CNTNAP5: variants seen among roughly 807,000 people sequenced by gnomAD.
The protein encoded by CNTNAP5 is contactin-associated protein-like 5.
In CNTNAP5, 72 loss-of-function variants were observed where a neutral mutation model predicts 150.2. The observed-to-expected ratio is 0.48, with a 90% CI of 0.40 to 0.58. The LOEUF (loss-of-function observed/expected upper bound fraction) is 0.58. CNTNAP5 is among the 20% of genes least tolerant of loss of function. The pLI, the probability that CNTNAP5 is intolerant of heterozygous loss-of-function variation, is 0.00. For synonymous variants in CNTNAP5, 672 were observed against 619.8 expected (o/e 1.08, Z -1.25); for missense variants, 1,636 against 1,626.2 (o/e 1.01, Z -0.10).
At chr2:124,254,542 T>C in intron 3 of CNTNAP5, among the ~76,000 whole-genome samples, 1 of 152,172 alleles carries the variant, frequency 6.6e-6, no homozygotes, top group East Asian at 1.9e-4. Flanking sequence ...ACAGAAAATG[T>C]AAGTGGATCT....
intron 6 of CNTNAP5, among the ~76,000 whole-genome samples, chr2:124,461,559 G>A (rs984825361): frequency 1.3e-5 from 2 of 150,814 alleles, no homozygotes; most frequent in Non-Finnish European, 3.0e-5. Context: ...GATAGCATTA[G>A]GAGATATACC....
chr2:124,030,718 A>G (rs1213970), intron 1 of CNTNAP5, among the ~76,000 whole-genome samples: 2 of 152,172 alleles, frequency 1.3e-5, no homozygotes, highest in African/African-American at 2.4e-5. Context: ...GACCAAAGAT[A>G]AGAGCCTCAT....
chr2:124,452,688 G>C (rs1367945356), intron 6 of CNTNAP5, among the ~76,000 whole-genome samples: 1 of 152,138 alleles, frequency 6.6e-6, no homozygotes, highest in Non-Finnish European at 1.5e-5. Context: ...ATCCGTGGCT[G>C]AGAGACCCAC....
intron 10 of CNTNAP5, among the ~76,000 whole-genome samples, chr2:124,534,771 C>A (rs1695190783): frequency 6.6e-6 from 1 of 152,128 alleles, no homozygotes; most frequent in Non-Finnish European, 1.5e-5. Flanking sequence ...TCACTTTCAT[C>A]TTGACTTGGT....
At chr2:124,608,490 GT>G (rs934513897) in intron 11 of CNTNAP5, among the ~76,000 whole-genome samples, 1 of 152,134 alleles carries the variant, frequency 6.6e-6, no homozygotes, top group African/African-American at 2.4e-5. Flanking sequence ...GCTTTCTGGG[GT>G]AGAGATTTAT....
At chr2:124,052,109 A>G (rs757084006) in intron 1 of CNTNAP5, among the ~76,000 whole-genome samples, 1 of 152,152 alleles carries the variant, frequency 6.6e-6, no homozygotes, top group Non-Finnish European at 1.5e-5. Flanking sequence ...GCTTATCCTC[A>G]CATTCTGTAC....
Position 124,707,006 on chromosome 2 carries a change from AAGG to A in CNTNAP5, c.2078-40211_2078-40209del, listed in dbSNP as rs878975665. 5.3e-4 allele frequency among the ~76,000 whole-genome samples: 51 copies of A among 96,008 alleles called. 1 individual carries two copies. Among genetic ancestry groups the A allele is most frequent in the Middle Eastern group, 5.1e-3 (1 of 196 alleles). The allele number at this position is 96,008 out of a possible 152,430, so 63.0% of individuals were successfully genotyped here. A position where few individuals can be genotyped will look rare whatever the true frequency, so the allele number is the denominator to read the frequency against. Reference sequence around the variant, plus strand: ...GAAGGAGAAGGAGAAGAGGAAGAAGAAGGAGGAGGAGGAGAAGAAGAAGAAGAA... The same window carrying A: ...GAAGGAGAAGGAGAAGAGGAAGAAGAAGGAGGAGGAGAAGAAGAAGAAGAA... On this transcript the variant is annotated intron_variant, in intron 13 of 23. Transcript: ENST00000682447.
intron 1 of CNTNAP5, among the ~76,000 whole-genome samples, chr2:124,191,600 G>A (rs985954092): frequency 2.6e-5 from 4 of 152,130 alleles, no homozygotes; most frequent in African/African-American, 9.7e-5. Context: ...TATTAGGAGA[G>A]TACAGTGGAA....
chr2:124,650,085 T>C (rs1337315967), intron 13 of CNTNAP5, among the ~76,000 whole-genome samples: 1 of 152,210 alleles, frequency 6.6e-6, no homozygotes, highest in Non-Finnish European at 1.5e-5. Context: ...GTGTATATTC[T>C]CAAAGGCACA....
intron 3 of CNTNAP5, among the ~76,000 whole-genome samples, chr2:124,319,446 C>G (rs1232893970): frequency 6.6e-6 from 1 of 152,192 alleles, no homozygotes; most frequent in Non-Finnish European, 1.5e-5. Flanking sequence ...CTCAAACTGG[C>G]ACAGTTGAAA....
chr2:124,630,079 G>A (rs947241089), intron 12 of CNTNAP5, among the ~76,000 whole-genome samples: 3 of 150,636 alleles, frequency 2.0e-5, no homozygotes, highest in South Asian at 4.2e-4. Flanking sequence ...GCAATAAATA[G>A]CCTACCAACC....
rs1684234138 is a variant in CNTNAP5 at position 124,145,833 on chromosome 2, A to AC, written c.83-75872_83-75871insC. On this transcript the variant is annotated intron_variant, in intron 1 of 23. Transcript: ENST00000682447. ...ACATTAAAAAAAAAAAAAAAAGAAG[A>AC]AAAAAAAAAAAAATAAAATATATTT... Among the ~76,000 whole-genome samples the AC allele has an allele frequency of 3.1e-4, 3 of 9,696 alleles. No homozygotes were observed. The South Asian group carries it at 0.037, about 118-fold the overall frequency. 6.4% of individuals were successfully genotyped at this position (9,696 alleles called of 152,430 possible).
chr2:124,043,294 G>C (rs926744895), intron 1 of CNTNAP5, among the ~76,000 whole-genome samples: 1 of 152,094 alleles, frequency 6.6e-6, no homozygotes, highest in Non-Finnish European at 1.5e-5. Context: ...GAAGAGGTGG[G>C]ACCTCACAAG....
chr2:124,352,875 T>C (rs1689907482), intron 3 of CNTNAP5, among the ~76,000 whole-genome samples: 1 of 152,184 alleles, frequency 6.6e-6, no homozygotes, highest in Admixed American at 6.5e-5. Flanking sequence ...CCCATGCATC[T>C]GTGGTAAAGT....
chr2:124,465,151 AT>A (rs1421066579), intron 6 of CNTNAP5, among the ~76,000 whole-genome samples: 1 of 152,164 alleles, frequency 6.6e-6, no homozygotes, highest in Admixed American at 6.6e-5. Flanking sequence ...ACCAAAAAAA[AT>A]AAATAAATAA....
At chr2:124,602,831 T>A (rs1353508143) in intron 11 of CNTNAP5, among the ~76,000 whole-genome samples, 1 of 152,138 alleles carries the variant, frequency 6.6e-6, no homozygotes, top group Non-Finnish European at 1.5e-5. Flanking sequence ...ACATATAATT[T>A]TACTACAACT....
intron 1 of CNTNAP5, among the ~76,000 whole-genome samples, chr2:124,111,042 T>C (rs1410799519): frequency 6.6e-6 from 1 of 152,174 alleles, no homozygotes; most frequent in Non-Finnish European, 1.5e-5. Context: ...GTGCGATTTG[T>C]CCAGGGTGGT....
At chr2:124,611,948 G>A (rs1372440835) in intron 12 of CNTNAP5, among the ~76,000 whole-genome samples, 1 of 152,172 alleles carries the variant, frequency 6.6e-6, no homozygotes, top group African/African-American at 2.4e-5. Context: ...AACGTAGAAG[G>A]GAAGAGAATA....
chr2:124,451,079 C>T (rs7608452), intron 6 of CNTNAP5, among the ~76,000 whole-genome samples: 4,364 of 94,404 alleles, frequency 0.046, 114 homozygotes, highest in African/African-American at 0.073. Context: ...TATATATATA[C>T]ACACACACAC....
Sources: gnomAD v4.1 joint callset for allele counts (sites outside exome capture counted in the v4.1 genomes callset) on GRCh38, gnomAD v4.1.1 for gene constraint, MANE v1.5 for transcripts, NCBI Gene and HGNC (gene_info 2026-07-23, HGNC 2026-07-21) for gene names.